The following CALN1 variants were observed in gnomAD, a reference collection of about 807,000 sequenced individuals.
The protein encoded by CALN1 is calneuron 1.
Under a neutral mutation model 30.6 loss-of-function variants are expected in CALN1, and 17 were observed. That is an observed-to-expected ratio of 0.56 (90% CI 0.38 to 0.83). The LOEUF (loss-of-function observed/expected upper bound fraction) is 0.83. Ranked by LOEUF, CALN1 falls within the 40% of genes least tolerant of loss-of-function variation. The probability of loss-of-function intolerance (pLI) is 0.00; values close to 1 mark genes in which losing one functional copy is unlikely to be tolerated. For synonymous variants in CALN1, 156 were observed against 131.4 expected (o/e 1.19, Z -1.28); for missense variants, 291 against 354.9 (o/e 0.82, Z 1.45).
chr7:72,458,089 G>T, the CALN1 span, among the ~76,000 whole-genome samples: 1 of 140,224 alleles, frequency 7.1e-6, no homozygotes, highest in Non-Finnish European at 1.5e-5. Flanking sequence ...GTACAGAGTG[G>T]CCTCACAACA....
At chr7:72,035,679 C>G (rs1262061175) in intron 4 of CALN1, among the ~76,000 whole-genome samples, 1 of 152,132 alleles carries the variant, frequency 6.6e-6, no homozygotes, top group Admixed American at 6.5e-5. Context: ...GTTATACACT[C>G]TAATTTGGAT....
intron 3 of CALN1, among the ~76,000 whole-genome samples, chr7:72,163,190 C>T (rs977596229): frequency 4.6e-5 from 7 of 152,070 alleles, no homozygotes; most frequent in African/African-American, 1.7e-4. Flanking sequence ...AGTCCCAAAA[C>T]TGAGGGGTTC....
intron 4 of CALN1, among the ~76,000 whole-genome samples, chr7:72,047,746 A>T (rs560811093): frequency 6.6e-6 from 1 of 152,272 alleles, no homozygotes; most frequent in South Asian, 2.1e-4. Flanking sequence ...CAAACCCATG[A>T]CGTGGCAGCC....
At chr7:71,946,430 C>A (rs34650147) in intron 5 of CALN1, among the ~76,000 whole-genome samples, 42,588 of 146,332 alleles carry the variant, frequency 0.29, 6,707 homozygotes, top group East Asian at 0.69. Flanking sequence ...TGCAGTGGTG[C>A]AATCATAGCT....
chr7:72,225,691 C>A (rs1428518560), intron 3 of CALN1, among the ~76,000 whole-genome samples: 2 of 152,154 alleles, frequency 1.3e-5, no homozygotes, highest in Non-Finnish European at 2.9e-5. Context: ...GTGTTCCTCA[C>A]TTCCATGTGC....
chr7:72,131,301 G>C (rs1809129724), intron 3 of CALN1, among the ~76,000 whole-genome samples: 1 of 152,156 alleles, frequency 6.6e-6, no homozygotes, highest in Non-Finnish European at 1.5e-5. Flanking sequence ...TTGGATTCAA[G>C]ATGCTATGGT....
rs536313408 is a variant in CALN1, at chr7:72,356,326, A to G, written c.119+46925T>C. On this transcript the variant is annotated intron_variant, in intron 2 of 6. Transcript: ENST00000395275. ...TAATCTAATAATAATAAATGCTAAT[A>G]ATGTTTGGTAGTTTCTTAAATCCAC... Among the ~76,000 whole-genome samples the G allele has an allele frequency of 4.4e-5, 6 of 136,626 alleles. No individual in the cohort carries two copies. The East Asian group carries it at 9.6e-4, about 22-fold the overall frequency. 89.6% of individuals were successfully genotyped at this position (136,626 alleles called of 152,430 possible).
At chr7:72,316,271 C>T (rs947564697) in intron 2 of CALN1, among the ~76,000 whole-genome samples, 4 of 151,758 alleles carry the variant, frequency 2.6e-5, no homozygotes, top group African/African-American at 9.7e-5. Flanking sequence ...ATGATGAATT[C>T]GTTGAAAATG....
intron 3 of CALN1, among the ~76,000 whole-genome samples, chr7:72,248,028 C>A (rs986012951): frequency 6.6e-6 from 1 of 152,162 alleles, no homozygotes. Context: ...ACAAATGTAT[C>A]ATCTTATTGT....
chr7:72,358,482 G>A (rs1425407157), intron 2 of CALN1, among the ~76,000 whole-genome samples: 1 of 150,136 alleles, frequency 6.7e-6, no homozygotes, highest in Non-Finnish European at 1.5e-5. Flanking sequence ...ATTGTACTTA[G>A]CCATCACTCC....
In CALN1 at chr7:71,846,834, CATGTGTATATATTATATATGTAT is replaced by C. The variant is rs1389068230; in HGVS notation, c.502-36365_502-36343del. ...ATATATACATAAATATGTGTATATA[CATGTGTATATATTATATATGTAT>C]ATATGTATGTATATATAATATATAC... On this transcript the variant is annotated intron_variant, in intron 5 of 6. Transcript: ENST00000395275. 3.9e-5 allele frequency among the ~76,000 whole-genome samples: 3 copies of C among 76,970 alleles called. No individual in the cohort carries two copies. In the Admixed American group the frequency reaches 4.3e-4, roughly 11 times the overall value. The allele number at this position is 76,970 out of a possible 152,430, so 50.5% of individuals were successfully genotyped here. A position where few individuals can be genotyped will look rare whatever the true frequency, so the allele number is the denominator to read the frequency against.
At chr7:71,829,826 A>T (rs983477601) in intron 5 of CALN1, among the ~76,000 whole-genome samples, 5 of 152,110 alleles carry the variant, frequency 3.3e-5, no homozygotes, top group African/African-American at 1.2e-4. Flanking sequence ...ACCTCACAGC[A>T]CTCCTGAGAA....
chr7:71,823,476 T>G (rs570349622), intron 5 of CALN1, among the ~76,000 whole-genome samples: 43 of 152,112 alleles, frequency 2.8e-4, no homozygotes, highest in Non-Finnish European at 5.7e-4. Context: ...TCCCAGCACT[T>G]TGGGTGGCCA....
chr7:71,791,738 G>A (rs899503295), intron 6 of CALN1, among the ~76,000 whole-genome samples: 1 of 152,146 alleles, frequency 6.6e-6, no homozygotes, highest in Admixed American at 6.5e-5. Context: ...GGCCGGGCAC[G>A]GTGGCTCACG....
At chr7:72,089,650 G>C (rs1313659822) in intron 4 of CALN1, among the ~76,000 whole-genome samples, 1 of 152,030 alleles carries the variant, frequency 6.6e-6, no homozygotes, top group Non-Finnish European at 1.5e-5. Flanking sequence ...AAAGATAAAT[G>C]TTATGCAAAC....
At chr7:71,855,288 T>G (rs1790878322) in intron 5 of CALN1, among the ~76,000 whole-genome samples, 1 of 152,144 alleles carries the variant, frequency 6.6e-6, no homozygotes, top group African/African-American at 2.4e-5. Flanking sequence ...GGGGAGTAGC[T>G]CAGGAGTCCG....
intron 3 of CALN1, among the ~76,000 whole-genome samples, chr7:72,205,631 A>T (rs1468001230): frequency 7.3e-6 from 1 of 137,700 alleles, no homozygotes; most frequent in Non-Finnish European, 1.5e-5. Flanking sequence ...ATCTTATCTC[A>T]ATTTGTCAGG....
At chr7:72,486,380 CT>C in the CALN1 span, among the ~76,000 whole-genome samples, 3 of 151,238 alleles carry the variant, frequency 2.0e-5, no homozygotes, top group East Asian at 1.9e-4. Flanking sequence ...AATACAATAA[CT>C]TTTTTTTTGA....
At chr7:71,845,039 A>G (rs1790149547) in intron 5 of CALN1, among the ~76,000 whole-genome samples, 1 of 152,040 alleles carries the variant, frequency 6.6e-6, no homozygotes. Context: ...ATGTGCCACC[A>G]CACCAGGCTA....
Sources: allele counts gnomAD v4.1 joint callset (sites outside exome capture counted in the v4.1 genomes callset), GRCh38; gene constraint gnomAD v4.1.1; transcripts MANE v1.5; gene names NCBI Gene and HGNC (gene_info 2026-07-23, HGNC 2026-07-21).